MID1: variants seen among roughly 807,000 people sequenced by gnomAD.
MID1 encodes E3 ubiquitin-protein ligase Midline-1.
In MID1, 7 loss-of-function variants were observed where a neutral mutation model predicts 40.4. That is an observed-to-expected ratio of 0.17 (90% CI 0.10 to 0.33). MID1 has a LOEUF of 0.33. Among genes scored for constraint, MID1 ranks in the 10% least tolerant of loss-of-function variants. MID1 has a pLI of 1.00. For synonymous variants in MID1, 229 were observed against 221.2 expected (o/e 1.04, Z -0.31); for missense variants, 367 against 558.5 (o/e 0.66, Z 3.46).
chrX:10,817,574 C>CTCTCTT (rs2044147343), intron 1 of MID1, among the ~76,000 whole-genome samples: 1 of 35,378 alleles, frequency 2.8e-5, no homozygotes, highest in African/African-American at 1.1e-4. Flanking sequence ...CTTTCTTTCT[C>CTCTCTT]TCTTTCTTTC....
At chrX:10,566,592 T>C (rs1158709595) in intron 2 of MID1, among the ~76,000 whole-genome samples, 3 of 104,826 alleles carry the variant, frequency 2.9e-5, no homozygotes, top group African/African-American at 1.1e-4. Context: ...AGCACTCTCT[T>C]TGGAAGAACT....
At chrX:10,765,931 AGGAAAGGAAAG>A (rs1372051052) in intron 1 of MID1, among the ~76,000 whole-genome samples, 5 of 88,498 alleles carry the variant, frequency 5.6e-5, no homozygotes, top group African/African-American at 2.1e-4. Context: ...AAGAAAGGAA[AGGAAAGGAAAG>A]GAAAGAAAGA....
chrX:10,453,859 A>G (rs1293392857), intron 9 of MID1, among the ~76,000 whole-genome samples: 2 of 112,147 alleles, frequency 1.8e-5, no homozygotes, highest in Admixed American at 9.5e-5. Flanking sequence ...TCTTCAGCAT[A>G]TACCTCAGTC....
chrX:10,650,355 C>T (rs1936304435), intron 1 of MID1, among the ~76,000 whole-genome samples: 1 of 110,102 alleles, frequency 9.1e-6, no homozygotes, highest in Admixed American at 9.7e-5. Context: ...TTCTCCCTCC[C>T]CGCAACTTGC....
chrX:10,742,763 A>G (rs2043532129), intron 1 of MID1, among the ~76,000 whole-genome samples: 1 of 112,420 alleles, frequency 8.9e-6, no homozygotes, highest in Non-Finnish European at 1.9e-5. Flanking sequence ...CATTGGAGCA[A>G]TTGGTTGATT....
intron 3 of MID1, among the ~76,000 whole-genome samples, chrX:10,519,902 A>C: frequency 8.9e-6 from 1 of 112,191 alleles, no homozygotes; most frequent in Non-Finnish European, 1.9e-5. Context: ...TTGTAAGTAA[A>C]AGCACAGACT....
rs1248142098 is a variant in MID1, at chrX:10,459,806, A to G, written c.1287T>C (p.Ser429=). The change falls in exon 8 of 10, where the codon AGT becomes AGC. Residue 429 remains serine (S), a splice_region_variant and synonymous_variant. Coordinates refer to ENST00000317552, the MANE Select transcript of MID1 (RefSeq NM_000381.4). Reference sequence around the variant, plus strand: ...TCCAGCTATCAGCCGAATTACACAGACCTGCAAAGCCAATCAGACATGGTG... The same window carrying G: ...TCCAGCTATCAGCCGAATTACACAGGCCTGCAAAGCCAATCAGACATGGTG... ...TIFTGQANVV[S]LCNSADSWMI... The G allele has an allele frequency of 8.3e-7, 1 of 1,208,057 alleles. No individual in the cohort carries two copies. Among genetic ancestry groups the G allele is most frequent in the Non-Finnish European group, 1.1e-6 (1 of 894,625 alleles).
chrX:10,695,560 A>G (rs1485555580), intron 1 of MID1, among the ~76,000 whole-genome samples: 2 of 112,345 alleles, frequency 1.8e-5, no homozygotes, highest in South Asian at 3.7e-4. Context: ...CCACCAAAGT[A>G]TTTTTGAAAA....
At chrX:10,554,745 C>T (rs1191471627) in intron 2 of MID1, among the ~76,000 whole-genome samples, 2 of 110,939 alleles carry the variant, frequency 1.8e-5, no homozygotes, top group Admixed American at 9.6e-5. Context: ...TACGGCTTCC[C>T]CATGTCTCCT....
In MID1 at chrX:10,790,608, A is replaced by C. The variant is rs1015409369; in HGVS notation, c.-187+42946T>G. On this transcript the variant is annotated intron_variant, in intron 1 of 10. Transcript: ENST00000380785. ...TAGTACCAGGACTCCAGCTCTCAGTAAGCCCTGGTGCCACATTCTGTTCCC... is the reference window on the plus strand; with the variant it reads ...TAGTACCAGGACTCCAGCTCTCAGTCAGCCCTGGTGCCACATTCTGTTCCC... Among the ~76,000 whole-genome samples the C allele has an allele frequency of 2.0e-4, 22 of 111,184 alleles. 1 individual carries two copies. Among genetic ancestry groups the C allele is most frequent in the African/African-American group, 6.9e-4 (21 of 30,595 alleles).
intron 2 of MID1, among the ~76,000 whole-genome samples, chrX:10,557,341 T>C (rs188056129): frequency 7.8e-4 from 87 of 111,979 alleles, no homozygotes; most frequent in Admixed American, 8.5e-4. Context: ...CAAGCAGGCG[T>C]TTAAAAATTA....
intron 1 of MID1, among the ~76,000 whole-genome samples, chrX:10,727,853 T>C (rs944592198): frequency 2.7e-5 from 3 of 112,083 alleles, no homozygotes; most frequent in Non-Finnish European, 5.6e-5. Context: ...AATGTGCAGC[T>C]TGCTATGTGT....
chrX:10,580,186 ATG>A lies in MID1; in HGVS notation c.-56-12585_-56-12584del, dbSNP rs1329259892. ...CTGCCTTCAAATCACATTCAATCAC[ATG>A]CCCCCCCCCGCCCCGCCCTTTCAAC... On this transcript the variant is annotated intron_variant, in intron 1 of 9. Coordinates refer to ENST00000317552, the MANE Select transcript of MID1 (RefSeq NM_000381.4). Among the ~76,000 whole-genome samples, 141 of 95,720 alleles carry A rather than the reference ATG, an allele frequency of 1.5e-3. 2 individuals carry two copies. Among genetic ancestry groups the A allele is most frequent in the African/African-American group, 6.3e-3 (134 of 21,339 alleles). 83.1% of individuals were successfully genotyped at this position (95,720 alleles called of 115,157 possible).
intron 7 of MID1, among the ~76,000 whole-genome samples, chrX:10,462,414 C>T (rs1929100991): frequency 9.0e-6 from 1 of 111,691 alleles, no homozygotes; most frequent in Admixed American, 9.5e-5. Context: ...TTTGCTTAAG[C>T]AAGACTTCTC....
At chrX:10,623,448 A>T (rs1935963003), upstream of MID1, among the ~76,000 whole-genome samples, 1 of 111,207 alleles carries the variant, frequency 9.0e-6, no homozygotes, top group Non-Finnish European at 1.9e-5. Flanking sequence ...AGCTGAAGGG[A>T]TGTTGGAAGT....
chrX:10,679,116 A>G (rs1305433449), intron 1 of MID1, among the ~76,000 whole-genome samples: 1 of 112,338 alleles, frequency 8.9e-6, no homozygotes, highest in Non-Finnish European at 1.9e-5. Context: ...AATGGGCAGC[A>G]GTAGATTGAC....
intron 1 of MID1, among the ~76,000 whole-genome samples, chrX:10,578,290 T>C (rs1176479421): frequency 3.5e-5 from 4 of 112,747 alleles, no homozygotes; most frequent in African/African-American, 1.3e-4. Flanking sequence ...GATCATCAAG[T>C]AGAATTCTAA....
chrX:10,768,263 T>C (rs750369985), intron 1 of MID1, among the ~76,000 whole-genome samples: 2 of 111,021 alleles, frequency 1.8e-5, no homozygotes, highest in Non-Finnish European at 3.8e-5. Context: ...AATAAATTAA[T>C]GTAGATTTAA....
intron 1 of MID1, among the ~76,000 whole-genome samples, chrX:10,590,932 T>C (rs962144654): frequency 7.1e-5 from 8 of 112,194 alleles, no homozygotes; most frequent in Non-Finnish European, 1.5e-4. Flanking sequence ...AGGAAAAAAG[T>C]TTCATTTTAA....
Sources: allele counts gnomAD v4.1 joint callset (sites outside exome capture counted in the v4.1 genomes callset), GRCh38; gene constraint gnomAD v4.1.1; transcripts MANE v1.5; gene names NCBI Gene and HGNC (gene_info 2026-07-23, HGNC 2026-07-21).